NXPH1: variants seen among roughly 807,000 people sequenced by gnomAD.
NXPH1 encodes the protein neurexophilin-1.
Under a neutral mutation model 23.7 loss-of-function variants are expected in NXPH1, and 5 were observed. That is an observed-to-expected ratio of 0.21 (90% CI 0.11 to 0.44). The LOEUF (loss-of-function observed/expected upper bound fraction) is 0.44, where lower values mean the gene tolerates loss of function less well. NXPH1 is among the 20% of genes least tolerant of loss of function. NXPH1 has a pLI of 0.99. For missense variants in NXPH1, 324 were observed against 321.6 expected (o/e 1.01, Z -0.06); for synonymous variants, 144 against 122.2 (o/e 1.18, Z -1.18).
At chr7:8,494,816 G>A (rs867271779) in intron 2 of NXPH1, among the ~76,000 whole-genome samples, 1 of 152,026 alleles carries the variant, frequency 6.6e-6, no homozygotes, top group Non-Finnish European at 1.5e-5. Flanking sequence ...TGGTTTAGTG[G>A]TCTAGCTTTT....
intron 2 of NXPH1, among the ~76,000 whole-genome samples, chr7:8,437,827 C>G (rs1816222425): frequency 6.6e-6 from 1 of 152,224 alleles, no homozygotes; most frequent in Non-Finnish European, 1.5e-5. Flanking sequence ...ACTTCATTAC[C>G]TGAATGCCTT....
chr7:8,579,051 C>T (rs561171335), intron 2 of NXPH1, among the ~76,000 whole-genome samples: 24 of 152,282 alleles, frequency 1.6e-4, no homozygotes, highest in Middle Eastern at 3.4e-3. Context: ...GTACTCATCA[C>T]CTTAGACCAC....
chr7:8,458,648 G>C (rs1816639761), intron 2 of NXPH1, among the ~76,000 whole-genome samples: 1 of 152,156 alleles, frequency 6.6e-6, no homozygotes, highest in East Asian at 1.9e-4. Context: ...CAGTCATTCA[G>C]TTTCTTGAAG....
Position 8,653,542 on chromosome 7 carries a change from C to T in NXPH1, c.55-97466C>T, listed in dbSNP as rs538349358. ...TATATGTAATCATCCAATCTTTTGG[C>T]TTTTAGTTCTGGTTTCCCATAAAGA... On this transcript the variant is annotated intron_variant, in intron 2 of 2. Coordinates refer to ENST00000405863, the MANE Select transcript of NXPH1 (RefSeq NM_152745.3). Among the ~76,000 whole-genome samples, 5 of 152,260 alleles carry T rather than the reference C, an allele frequency of 3.3e-5. No homozygotes were observed. The South Asian group carries it at 1.0e-3, about 32-fold the overall frequency.
At chr7:8,565,721 C>G (rs184431430) in intron 2 of NXPH1, among the ~76,000 whole-genome samples, 1 of 151,696 alleles carries the variant, frequency 6.6e-6, no homozygotes, top group Non-Finnish European at 1.5e-5. Flanking sequence ...TAGGTGCCCT[C>G]ACAACATATT....
intron 2 of NXPH1, among the ~76,000 whole-genome samples, chr7:8,682,212 T>C (rs540628690): frequency 6.6e-6 from 1 of 152,260 alleles, no homozygotes; most frequent in South Asian, 2.1e-4. Flanking sequence ...GGAAAATAAT[T>C]CAGACCTCTA....
intron 2 of NXPH1, among the ~76,000 whole-genome samples, chr7:8,613,481 T>G (rs1328543373): frequency 6.6e-6 from 1 of 151,934 alleles, no homozygotes; most frequent in Non-Finnish European, 1.5e-5. Flanking sequence ...ACAAGCTGAG[T>G]GGGAACACAG....
intron 2 of NXPH1, among the ~76,000 whole-genome samples, chr7:8,553,614 A>C (rs766092346): frequency 5.3e-5 from 8 of 151,578 alleles, no homozygotes; most frequent in Non-Finnish European, 1.2e-4. Flanking sequence ...TCAGGGTAAT[A>C]GTTTAGAATA....
At chr7:8,737,170 AG>A (rs2115223760) in intron 2 of NXPH1, among the ~76,000 whole-genome samples, 1 of 152,250 alleles carries the variant, frequency 6.6e-6, no homozygotes, top group East Asian at 1.9e-4. Context: ...TGATCATGTC[AG>A]TATGATGCTA....
At chr7:8,624,362 T>G (rs192085005) in intron 2 of NXPH1, among the ~76,000 whole-genome samples, 12 of 152,268 alleles carry the variant, frequency 7.9e-5, no homozygotes, top group Non-Finnish European at 1.5e-4. Flanking sequence ...TTGTCCAGAC[T>G]CTGAGAAGAT....
chr7:8,560,574 T>C (rs1818426992), intron 2 of NXPH1, among the ~76,000 whole-genome samples: 1 of 151,678 alleles, frequency 6.6e-6, no homozygotes, highest in Non-Finnish European at 1.5e-5. Flanking sequence ...TTAAATTTCT[T>C]TTCCAAGGCA....
chr7:8,476,171 T>C (rs1445707767), intron 2 of NXPH1, among the ~76,000 whole-genome samples: 1 of 152,152 alleles, frequency 6.6e-6, no homozygotes, highest in Non-Finnish European at 1.5e-5. Context: ...TTTTAAAGAC[T>C]TAATTACCTT....
chr7:8,491,827 C>A (rs1156796537), intron 2 of NXPH1, among the ~76,000 whole-genome samples: 2 of 152,074 alleles, frequency 1.3e-5, no homozygotes, highest in African/African-American at 2.4e-5. Context: ...GCCAAATTTT[C>A]ATTTTCTTTT....
Position 8,592,826 on chromosome 7 carries a change from CT to C in NXPH1, c.54+157074del, listed in dbSNP as rs536236220. ...TAATTTTCACATATTGTGAAATAGT[CT>C]TTTTTTTTTTTTTTAAATGTTCCAA... On this transcript the variant is annotated intron_variant, in intron 2 of 2. Coordinates refer to ENST00000405863, the MANE Select transcript of NXPH1 (RefSeq NM_152745.3). 9.0e-3 allele frequency among the ~76,000 whole-genome samples: 1,287 copies of C among 142,634 alleles called. 3 individuals are homozygous for C. The highest frequency in any genetic ancestry group is 0.014 in the South Asian group (60 of 4,400). The allele number at this position is 142,634 out of a possible 152,430, so 93.6% of individuals were successfully genotyped here.
At chr7:8,458,673 T>C (rs1041111080) in intron 2 of NXPH1, among the ~76,000 whole-genome samples, 3 of 152,178 alleles carry the variant, frequency 2.0e-5, no homozygotes, top group Non-Finnish European at 2.9e-5. Context: ...AGTTTTCTAA[T>C]ATGTAAAGTG....
At chr7:8,649,976 A>G (rs76743131) in intron 2 of NXPH1, among the ~76,000 whole-genome samples, 8,134 of 152,250 alleles carry the variant, frequency 0.053, 397 homozygotes, top group East Asian at 0.17. Context: ...TATGAAGTAC[A>G]GTCAGTGAAT....
intron 2 of NXPH1, among the ~76,000 whole-genome samples, chr7:8,743,068 G>A (rs1044137511): frequency 3.3e-5 from 5 of 152,132 alleles, no homozygotes; most frequent in African/African-American, 9.7e-5. Context: ...TCAATATTAT[G>A]CAACATATAT....
At chr7:8,444,397 C>T (rs1816361047) in intron 2 of NXPH1, among the ~76,000 whole-genome samples, 2 of 152,196 alleles carry the variant, frequency 1.3e-5, no homozygotes, top group South Asian at 2.1e-4. Flanking sequence ...AGCTTAAGGG[C>T]CAGCCCGCTA....
chr7:8,495,933 G>C (rs1473585847), intron 2 of NXPH1, among the ~76,000 whole-genome samples: 1 of 152,014 alleles, frequency 6.6e-6, no homozygotes, highest in Non-Finnish European at 1.5e-5. Flanking sequence ...ACAGGAGAGA[G>C]AACTATTGTG....
Sources: allele counts gnomAD v4.1 joint callset (sites outside exome capture counted in the v4.1 genomes callset), GRCh38; gene constraint gnomAD v4.1.1; transcripts MANE v1.5; gene names NCBI Gene and HGNC (gene_info 2026-07-23, HGNC 2026-07-21).